The following AGO3 variants were observed in gnomAD, a reference collection of about 807,000 sequenced individuals.
AGO3 encodes the protein argonaute RISC catalytic component 3.
Under a neutral mutation model 105.5 loss-of-function variants are expected in AGO3, and 16 were observed. That is an observed-to-expected ratio of 0.15 (90% CI 0.10 to 0.23). The LOEUF (loss-of-function observed/expected upper bound fraction) is 0.23. Ranked by LOEUF, AGO3 falls within the 10% of genes least tolerant of loss-of-function variation. The pLI, the probability that AGO3 is intolerant of heterozygous loss-of-function variation, is 1.00. For missense variants in AGO3, 534 were observed against 1,088.0 expected, an observed-to-expected ratio of 0.49 and a Z score of 7.16; for synonymous variants, 340 against 367.3, an observed-to-expected ratio of 0.93 and a Z score of 0.85.
intron 11 of AGO3, among the ~76,000 whole-genome samples, chr1:36,016,069 G>T (rs1640887409): frequency 6.6e-6 from 1 of 152,180 alleles, no homozygotes; most frequent in Non-Finnish European, 1.5e-5. Flanking sequence ...TTACAGCTTG[G>T]CATTTGCCTT....
chr1:35,939,106 CA>C (rs1265083389), intron 1 of AGO3, among the ~76,000 whole-genome samples: 3 of 152,008 alleles, frequency 2.0e-5, no homozygotes, highest in African/African-American at 7.3e-5. Context: ...CTCTAGTGGG[CA>C]GTATGTATTT....
chr1:35,966,306 CAA>C (rs1646773440), intron 2 of AGO3, among the ~76,000 whole-genome samples: 2 of 152,090 alleles, frequency 1.3e-5, no homozygotes, highest in South Asian at 4.1e-4. Context: ...AATGTGTGTA[CAA>C]AAAATACGTA....
At chr1:35,986,093 G>A (rs549582710) in intron 5 of AGO3, among the ~76,000 whole-genome samples, 30 of 152,328 alleles carry the variant, frequency 2.0e-4, no homozygotes, top group African/African-American at 1.9e-4. Context: ...TGGTGAGGAT[G>A]AAGTAAAAGG....
At chr1:35,987,516 T>C (rs1647240695) in intron 5 of AGO3, among the ~76,000 whole-genome samples, 1 of 151,788 alleles carries the variant, frequency 6.6e-6, no homozygotes, top group South Asian at 2.1e-4. Flanking sequence ...AAGGATATGT[T>C]ATTATTTATA....
At chr1:36,036,796 G>T (rs928028612) in intron 14 of AGO3, among the ~76,000 whole-genome samples, 117 of 152,186 alleles carry the variant, frequency 7.7e-4, no homozygotes, top group African/African-American at 2.6e-3. Context: ...CCAGGTTCAA[G>T]CGATTATCCT....
chr1:35,931,826 C>T (rs942015772), intron 1 of AGO3, among the ~76,000 whole-genome samples: 1 of 152,240 alleles, frequency 6.6e-6, no homozygotes, highest in Non-Finnish European at 1.5e-5. Context: ...CCCTTACCTA[C>T]CTCTTAGGAT....
At chr1:36,014,798 A>G (rs992115624) in intron 11 of AGO3, among the ~76,000 whole-genome samples, 1 of 151,830 alleles carries the variant, frequency 6.6e-6, no homozygotes, top group Non-Finnish European at 1.5e-5. Flanking sequence ...AAACTTCTCA[A>G]TAGTTCGGTG....
In AGO3 at chr1:36,069,058, G is replaced by T. The variant is rs575728189; in HGVS notation, c.*13313G>T. The T allele has an allele frequency of 6.6e-6, 1 of 152,302 alleles. No individual in the cohort carries two copies. The highest frequency in any genetic ancestry group is 2.1e-4 in the South Asian group (1 of 4,828). The allele number at this position is 152,302 out of a possible 1,614,324, so 9.4% of individuals were successfully genotyped here. On this transcript the variant is annotated 3_prime_UTR_variant, in exon 19 of 19. Transcript: ENST00000373191. Reference sequence around the variant, plus strand: ...ATCTCTGTGTGCCTAGTTTCCCCTTGTAAATAAGAGTGGTAATACCTGTCC... The same window carrying T: ...ATCTCTGTGTGCCTAGTTTCCCCTTTTAAATAAGAGTGGTAATACCTGTCC...
At chr1:36,031,078 A>G (rs1478812037) in intron 12 of AGO3, among the ~76,000 whole-genome samples, 11 of 152,240 alleles carry the variant, frequency 7.2e-5, no homozygotes. Flanking sequence ...TTGAACAAAT[A>G]ATCATCTATT....
intron 2 of AGO3, among the ~76,000 whole-genome samples, chr1:35,958,175 G>A (rs1646606672): frequency 6.6e-6 from 1 of 152,156 alleles, no homozygotes; most frequent in Non-Finnish European, 1.5e-5. Flanking sequence ...AAGGTCTGGA[G>A]TTCGAGATCA....
chr1:36,013,566 A>C (rs1640728789), intron 9 of AGO3, 64 bp from the exon 10 acceptor site: 9 of 1,574,546 alleles, frequency 5.7e-6, no homozygotes, highest in Non-Finnish European at 7.8e-6. Context: ...AGAGGGTTCT[A>C]ATGCATTAAA....
chr1:35,991,764 G>A (rs1647685528), intron 5 of AGO3, among the ~76,000 whole-genome samples: 1 of 151,858 alleles, frequency 6.6e-6, no homozygotes, highest in Non-Finnish European at 1.5e-5. Context: ...TGCTATTCTT[G>A]TTTCACAGAT....
In AGO3 at chr1:36,068,435, CAGG is replaced by C; in HGVS notation, c.*12695_*12697del. ...GTCCGAACTTCTCAGGAGGATGAGG[CAGG>C]AGGATAGTTGAGCCCAGGAGTTTAA... On this transcript the variant is annotated 3_prime_UTR_variant, in exon 19 of 19. Coordinates refer to ENST00000373191, the MANE Select transcript of AGO3 (RefSeq NM_024852.4). 1 of 152,146 alleles carries C rather than the reference CAGG, an allele frequency of 6.6e-6. No individual in the cohort carries two copies. Among genetic ancestry groups the C allele is most frequent in the South Asian group, 2.1e-4 (1 of 4,808 alleles). The allele number at this position is 152,146 out of a possible 1,614,324, so 9.4% of individuals were successfully genotyped here.
At chr1:35,961,316 T>G (rs1334283810) in intron 2 of AGO3, among the ~76,000 whole-genome samples, 1 of 152,150 alleles carries the variant, frequency 6.6e-6, no homozygotes, top group Non-Finnish European at 1.5e-5. Flanking sequence ...CATTTTAATC[T>G]TAAATTTATA....
rs1642989040 is a variant in AGO3 at position 36,058,733 on chromosome 1, T to C, written c.*2988T>C. On this transcript the variant is annotated 3_prime_UTR_variant, in exon 19 of 19. Coordinates refer to ENST00000373191, the MANE Select transcript of AGO3 (RefSeq NM_024852.4). ...GTGTCTGAAATGCAATTTACAACAC[T>C]GTTGCAAAGAACTTTACAAAAGGTA... The C allele has an allele frequency of 1.3e-5, 2 of 152,340 alleles. No individual in the cohort carries two copies. The highest frequency in any genetic ancestry group is 1.9e-4 in the East Asian group (1 of 5,190). The allele number at this position is 152,340 out of a possible 1,614,324, so 9.4% of individuals were successfully genotyped here.
chr1:36,050,547 T>C (rs903678032), intron 17 of AGO3, among the ~76,000 whole-genome samples: 1 of 151,460 alleles, frequency 6.6e-6, no homozygotes, highest in Admixed American at 6.6e-5. Context: ...ATCCCAGCAC[T>C]TTGGGAGGCT....
chr1:35,997,618 C>T (rs936782180), intron 5 of AGO3, among the ~76,000 whole-genome samples: 1 of 152,176 alleles, frequency 6.6e-6, no homozygotes. Context: ...GTATTAAAAG[C>T]ATTTTCGCCT....
chr1:36,023,163 T>G lies in AGO3; in HGVS notation c.1407-3951T>G, dbSNP rs539471947. 2.6e-5 allele frequency among the ~76,000 whole-genome samples: 4 copies of G among 152,258 alleles called. No homozygotes were observed. In the East Asian group the frequency reaches 7.7e-4, roughly 29 times the overall value. ...GTTTCTGTCATGACTTCTGAACCCA[T>G]TTCAGATTTTAAAATTTGCTCAAAC... On this transcript the variant is annotated intron_variant, in intron 11 of 18. Coordinates refer to ENST00000373191, the MANE Select transcript of AGO3 (RefSeq NM_024852.4).
chr1:36,064,955 T>A lies in AGO3; in HGVS notation c.*9210T>A, dbSNP rs984648447. On this transcript the variant is annotated 3_prime_UTR_variant, in exon 19 of 19. Transcript: ENST00000373191. ...CGGCTGAGGCGGGCGGATCACGAGG[T>A]CAGGAGTTGGAGACCAGCCTGCCCA... The A allele has an allele frequency of 2.6e-5, 4 of 151,784 alleles. No homozygotes were observed. The South Asian group carries it at 8.3e-4, about 32-fold the overall frequency. 9.4% of individuals were successfully genotyped at this position (151,784 alleles called of 1,614,324 possible). A position where few individuals can be genotyped will look rare whatever the true frequency, so the allele number is the denominator to read the frequency against.
Sources: gnomAD v4.1 joint callset for allele counts (sites outside exome capture counted in the v4.1 genomes callset) on GRCh38, gnomAD v4.1.1 for gene constraint, MANE v1.5 for transcripts, NCBI Gene and HGNC (gene_info 2026-07-23, HGNC 2026-07-21) for gene names.